DYM: variants seen among roughly 807,000 people sequenced by gnomAD.
The protein encoded by DYM is dymeclin.
A neutral mutation model predicts 93.1 loss-of-function variants in DYM; 78 were observed. The ratio of observed to expected loss-of-function variants is 0.84; its 90% CI spans 0.70 to 1.01. The LOEUF is 1.01. DYM is among the 50% of genes least tolerant of loss of function. The probability of loss-of-function intolerance (pLI) is 0.00; values close to 1 mark genes in which losing one functional copy is unlikely to be tolerated. For synonymous variants in DYM, 321 were observed against 319.7 expected (o/e 1.00, Z -0.04); for missense variants, 789 against 845.0 (o/e 0.93, Z 0.82).
intron 13 of DYM, among the ~76,000 whole-genome samples, chr18:49,231,137 C>T (rs1252199266): frequency 6.6e-6 from 1 of 152,174 alleles, no homozygotes; most frequent in African/African-American, 2.4e-5. Flanking sequence ...TTACTCCATC[C>T]TTTAAAAAGG....
intron 16 of DYM, among the ~76,000 whole-genome samples, chr18:49,110,954 T>C (rs1302540208): frequency 6.6e-6 from 1 of 152,202 alleles, no homozygotes; most frequent in Non-Finnish European, 1.5e-5. Flanking sequence ...GATCACAGAT[T>C]TTTTTCACAA....
intron 5 of DYM, among the ~76,000 whole-genome samples, chr18:49,364,970 G>T (rs565734624): frequency 3.4e-4 from 52 of 152,168 alleles, no homozygotes; most frequent in African/African-American, 1.2e-3. Flanking sequence ...GCATATGTTG[G>T]TTACATTATG....
At chr18:49,246,877 G>A (rs533682942) in intron 13 of DYM, among the ~76,000 whole-genome samples, 1 of 152,314 alleles carries the variant, frequency 6.6e-6, no homozygotes, top group Admixed American at 6.5e-5. Flanking sequence ...CTACCTTACT[G>A]AAACAGTGAC....
At chr18:49,454,504 A>T (rs1401344459) in intron 1 of DYM, among the ~76,000 whole-genome samples, 2 of 152,116 alleles carry the variant, frequency 1.3e-5, no homozygotes, top group African/African-American at 4.8e-5. Flanking sequence ...GCATAAGATT[A>T]GGTTGAGGCA....
chr18:49,069,712 A>G (rs1425222900), intron 17 of DYM, among the ~76,000 whole-genome samples: 1 of 152,150 alleles, frequency 6.6e-6, no homozygotes, highest in Admixed American at 6.6e-5. Context: ...CTTCTAGTCT[A>G]TTATGGACTT....
intron 2 of DYM, among the ~76,000 whole-genome samples, chr18:49,406,559 T>C (rs1417706923): frequency 6.6e-6 from 1 of 152,000 alleles, no homozygotes; most frequent in African/African-American, 2.4e-5. Flanking sequence ...AGACTCTGTC[T>C]CAAAAAAGAA....
intron 17 of DYM, among the ~76,000 whole-genome samples, chr18:49,082,591 A>G (rs2078154836): frequency 6.6e-6 from 1 of 152,246 alleles, no homozygotes; most frequent in South Asian, 2.1e-4. Context: ...ATTAAAGTAT[A>G]CACATACATA....
At chr18:49,199,561 C>A (rs1163388993) in intron 14 of DYM, among the ~76,000 whole-genome samples, 1 of 152,138 alleles carries the variant, frequency 6.6e-6, no homozygotes, top group Non-Finnish European at 1.5e-5. Context: ...CAAAAGGAAA[C>A]CATAATGGTT....
chr18:49,236,492 A>T (rs1377378227), intron 13 of DYM, among the ~76,000 whole-genome samples: 1 of 146,660 alleles, frequency 6.8e-6, no homozygotes, highest in African/African-American at 2.5e-5. Flanking sequence ...AAAAAAAAAT[A>T]AATAAATAAA....
At chr18:49,440,435 TAA>T (rs1568449390) in intron 1 of DYM, among the ~76,000 whole-genome samples, 1 of 117,122 alleles carries the variant, frequency 8.5e-6, no homozygotes, top group African/African-American at 3.2e-5. Context: ...TATTTAGGAG[TAA>T]AGTGACTATA....
Position 49,286,549 on chromosome 18 carries a change from A to G in DYM, c.831T>C (p.Ser277=), listed in dbSNP as rs886053846. Residue 277 remains serine (S), a synonymous_variant, in exon 9 of 18, where the codon TCT becomes TCC. Transcript: ENST00000675505. ...GGAGACTCTGGTTGGCCAGAGGGGA[A>G]GAAAGCTCTGGAGAGGCAGCCGCTT... ...GSKAAASPEL[S]SPLANQSLLL... 1 of 1,614,172 alleles carries G rather than the reference A, an allele frequency of 6.2e-7. No homozygotes were observed. The highest frequency in any genetic ancestry group is 8.5e-7 in the Non-Finnish European group (1 of 1,180,008).
At position 49,214,792 on chromosome 18, in the gene DYM, A is replaced by G. The variant is rs1436946210; in HGVS notation, c.1461-5077T>C. The stretch of plus-strand genomic sequence containing the variant: ...AATAAAATATTTCGCATTTCCACTG[A>G]AAGGGATGATACTAATAAACTTGTA... On this transcript the variant is annotated intron_variant, in intron 13 of 17. Transcript: ENST00000675505. Among the ~76,000 whole-genome samples, 4 of 152,140 alleles carry G rather than the reference A, an allele frequency of 2.6e-5. No individual in the cohort carries two copies. The East Asian group carries it at 7.7e-4, about 29-fold the overall frequency.
At chr18:49,265,929 A>G (rs1568133273) in intron 11 of DYM, among the ~76,000 whole-genome samples, 1 of 152,092 alleles carries the variant, frequency 6.6e-6, no homozygotes, top group Non-Finnish European at 1.5e-5. Flanking sequence ...ATCCAATGAA[A>G]CCAGTATTAG....
In DYM at chr18:49,098,534, C is replaced by G. The variant is rs544668795; in HGVS notation, c.1912-1019G>C. On this transcript the variant is annotated intron_variant, in intron 16 of 17. Coordinates refer to ENST00000675505, the MANE Select transcript of DYM (RefSeq NM_001353214.3). ...ACTTAGCTGGCGCCACAGCCATTAA[C>G]AAGCATGTGCCTCACAATTCTGTGG... Among the ~76,000 whole-genome samples, 3 of 152,378 alleles carry G rather than the reference C, an allele frequency of 2.0e-5. No individual in the cohort carries two copies. In the South Asian group the frequency reaches 6.2e-4, roughly 32 times the overall value.
intron 13 of DYM, among the ~76,000 whole-genome samples, chr18:49,232,432 T>G (rs1263886017): frequency 6.8e-6 from 1 of 146,736 alleles, no homozygotes; most frequent in Non-Finnish European, 1.5e-5. Context: ...GCCTCCCGAG[T>G]AGCTAGGACT....
chr18:49,105,269 T>G (rs1032111598), intron 16 of DYM, among the ~76,000 whole-genome samples: 1 of 152,226 alleles, frequency 6.6e-6, no homozygotes, highest in Non-Finnish European at 1.5e-5. Context: ...CTTATCATTT[T>G]TTATTGCGTC....
chr18:49,440,993 TA>T (rs1568452181), intron 1 of DYM, among the ~76,000 whole-genome samples: 1 of 2,618 alleles, frequency 3.8e-4, no homozygotes, highest in Non-Finnish European at 6.6e-4. Context: ...ATATAATATA[TA>T]ATATATTTAT....
chr18:49,037,693 G>C lies in DYM; in HGVS notation c.*6362C>G, dbSNP rs1298950587. ...TCAAAATATTTCAAATTTCCATTAA[G>C]ATTCTGACAGATGGGTTACCTGGAA... On this transcript the variant is annotated 3_prime_UTR_variant, in exon 18 of 18. Transcript: ENST00000675505. Among the ~76,000 whole-genome samples, 1 of 152,188 alleles carries C rather than the reference G, an allele frequency of 6.6e-6. No homozygotes were observed. The highest frequency in any genetic ancestry group is 6.5e-5 in the Admixed American group (1 of 15,278).
At chr18:49,294,836 C>G (rs1278591187) in intron 8 of DYM, among the ~76,000 whole-genome samples, 1 of 152,022 alleles carries the variant, frequency 6.6e-6, no homozygotes, top group Admixed American at 6.5e-5. Flanking sequence ...CAAAAATCTC[C>G]TAAAAGGGGC....
Sources: gnomAD v4.1 joint callset for allele counts (sites outside exome capture counted in the v4.1 genomes callset) on GRCh38, gnomAD v4.1.1 for gene constraint, MANE v1.5 for transcripts, NCBI Gene and HGNC (gene_info 2026-07-23, HGNC 2026-07-21) for gene names.